BCR: variants seen among roughly 807,000 people sequenced by gnomAD.
BCR encodes the protein BCR activator of RhoGEF and GTPase.
Under a neutral mutation model 138.6 loss-of-function variants are expected in BCR, and 58 were observed. The ratio of observed to expected loss-of-function variants is 0.42; its 90% CI spans 0.34 to 0.52. The LOEUF (loss-of-function observed/expected upper bound fraction) is 0.52. Among genes scored for constraint, BCR ranks in the 20% least tolerant of loss-of-function variants. The pLI, the probability that BCR is intolerant of heterozygous loss-of-function variation, is 0.06. For synonymous variants in BCR, 786 were observed against 730.1 expected, an observed-to-expected ratio of 1.08 and a Z score of -1.23; for missense variants, 1,599 against 1,727.2, an observed-to-expected ratio of 0.93 and a Z score of 1.32.
At chr22:23,229,151 C>T (rs1427835634) in intron 1 of BCR, among the ~76,000 whole-genome samples, 1 of 152,048 alleles carries the variant, frequency 6.6e-6, no homozygotes, top group Non-Finnish European at 1.5e-5. Context: ...GCTGTTGAAC[C>T]CCTCCAGGTA....
intron 1 of BCR, among the ~76,000 whole-genome samples, chr22:23,228,262 C>T (rs28498179): frequency 6.6e-6 from 1 of 152,162 alleles, no homozygotes; most frequent in East Asian, 1.9e-4. Flanking sequence ...TAGCTGCATC[C>T]TACAAATTTT....
intron 1 of BCR, among the ~76,000 whole-genome samples, chr22:23,227,401 T>C (rs2072907619): frequency 6.6e-6 from 1 of 152,200 alleles, no homozygotes; most frequent in Non-Finnish European, 1.5e-5. Context: ...CCATCCCCTG[T>C]GGTCCAGCCC....
chr22:23,271,188 ACAG>A (rs1186238412), intron 5 of BCR, among the ~76,000 whole-genome samples: 1 of 152,240 alleles, frequency 6.6e-6, no homozygotes, highest in African/African-American at 2.4e-5. Context: ...GGTTGTCAAA[ACAG>A]CAGGAAGGCA....
At position 23,215,064 on chromosome 22, in the gene BCR, A is replaced by G. The variant is rs146874143; in HGVS notation, c.1279+32825A>G. ...TGAATTTGACTACTCTAGAGACCTC[A>G]TATGAGTGGAGTCCTACAGCGTTTG... On this transcript the variant is annotated intron_variant, in intron 1 of 22. Transcript: ENST00000305877. Among the ~76,000 whole-genome samples the G allele has an allele frequency of 2.0e-5, 3 of 152,342 alleles. No homozygotes were observed. The East Asian group carries it at 5.8e-4, about 29-fold the overall frequency.
intron 1 of BCR, among the ~76,000 whole-genome samples, chr22:23,233,143 C>A (rs2072977547): frequency 6.6e-6 from 1 of 152,216 alleles, no homozygotes; most frequent in Admixed American, 6.5e-5. Context: ...CATCTCCAGG[C>A]AGAGCCTATA....
chr22:23,262,345 G>C (rs1374294164), intron 4 of BCR, among the ~76,000 whole-genome samples: 1 of 152,108 alleles, frequency 6.6e-6, no homozygotes, highest in Non-Finnish European at 1.5e-5. Context: ...TGAGTTTTCT[G>C]CTCTGAGGTG....
intron 1 of BCR, among the ~76,000 whole-genome samples, chr22:23,237,569 C>A (rs1332726186): frequency 6.6e-6 from 1 of 152,246 alleles, no homozygotes; most frequent in Admixed American, 6.5e-5. Flanking sequence ...CGTTCCTCAG[C>A]TGTTTTCTGT....
chr22:23,310,761 A>G (rs553896355), intron 18 of BCR, among the ~76,000 whole-genome samples: 78 of 152,326 alleles, frequency 5.1e-4, no homozygotes, highest in Non-Finnish European at 1.3e-4. Context: ...GTCAGTTGCC[A>G]AGAGAAGCCT....
At chr22:23,208,691 A>G (rs2072645965) in intron 1 of BCR, among the ~76,000 whole-genome samples, 1 of 152,116 alleles carries the variant, frequency 6.6e-6, no homozygotes, top group African/African-American at 2.4e-5. Context: ...CGTCTCTACT[A>G]AAAATACAAA....
intron 1 of BCR, among the ~76,000 whole-genome samples, chr22:23,229,049 T>C (rs2072923486): frequency 1.3e-5 from 2 of 152,224 alleles, no homozygotes; most frequent in Non-Finnish European, 2.9e-5. Context: ...TATTCCATTT[T>C]TCTCCATTTT....
intron 12 of BCR, among the ~76,000 whole-genome samples, 197 bp from the exon 13 acceptor site, chr22:23,289,320 C>T (rs1203257426): frequency 1.3e-5 from 2 of 152,232 alleles, no homozygotes; most frequent in African/African-American, 4.8e-5. Flanking sequence ...GGCCTGGGCT[C>T]TCCAGGGCCA....
intron 10 of BCR, 118 bp downstream of exon 10, chr22:23,285,319 A>T: frequency 8.7e-7 from 1 of 1,143,238 alleles, no homozygotes; most frequent in Non-Finnish European, 1.2e-6. Flanking sequence ...GGTCTCTGGG[A>T]CCCCTGTAAG....
intron 1 of BCR, among the ~76,000 whole-genome samples, chr22:23,235,094 G>A (rs1212715388): frequency 7.0e-6 from 1 of 143,658 alleles, no homozygotes; most frequent in African/African-American, 2.5e-5. Context: ...AGGTTCTGTG[G>A]GGTTTTTTGT....
intron 8 of BCR, among the ~76,000 whole-genome samples, chr22:23,275,731 C>T (rs563177175): frequency 2.6e-5 from 4 of 152,352 alleles, no homozygotes; most frequent in South Asian, 2.1e-4. Context: ...TAAGCCTCCA[C>T]GTGCTGGGTG....
At position 23,311,964 on chromosome 22, in the gene BCR, T is replaced by C. The variant is rs188812412; in HGVS notation, c.3322+128T>C. 5.5e-3 allele frequency: 8,024 copies of C among 1,450,040 alleles called. 26 individuals are homozygous for C. Among genetic ancestry groups the C allele is most frequent in the Non-Finnish European group, 6.7e-3 (7,291 of 1,090,936 alleles). The allele number at this position is 1,450,040 out of a possible 1,614,324, so 89.8% of individuals were successfully genotyped here. A position where few individuals can be genotyped will look rare whatever the true frequency, so the allele number is the denominator to read the frequency against. ...TGTCTTTTCTTCATTTACTGTGTTA[T>C]TATTTTTAAAAAAGAGAAGACAAGA... is the stretch of plus-strand genomic sequence containing the variant. On this transcript the variant is annotated intron_variant, in intron 19 of 22. Transcript: ENST00000305877.
chr22:23,262,825 G>A (rs1396861000), intron 4 of BCR: 36 of 1,018,334 alleles, frequency 3.5e-5, no homozygotes, highest in Middle Eastern at 4.7e-4. Context: ...GGGGCAAGGC[G>A]GAAGAGGAAG....
intron 8 of BCR, among the ~76,000 whole-genome samples, chr22:23,275,038 C>G (rs1470015953): frequency 6.6e-6 from 1 of 152,046 alleles, no homozygotes; most frequent in Admixed American, 6.5e-5. Context: ...CTGCCCAACA[C>G]ATGGGGCTTG....
At chr22:23,268,322 G>GCTCTT in intron 4 of BCR, 86 bp from the exon 5 acceptor site, 1 of 1,117,496 alleles carries the variant, frequency 8.9e-7, no homozygotes. Context: ...TGGAGTTTCT[G>GCTCTT]CAGAGCTGTG....
chr22:23,313,083 G>A, intron 20 of BCR, 62 bp downstream of exon 20: 3 of 1,532,950 alleles, frequency 2.0e-6, no homozygotes, highest in Non-Finnish European at 2.6e-6. Flanking sequence ...GCTGCCCTTG[G>A]AGGCTGTGAA....
Sources: allele counts gnomAD v4.1 joint callset (sites outside exome capture counted in the v4.1 genomes callset), GRCh38; gene constraint gnomAD v4.1.1; transcripts MANE v1.5; gene names NCBI Gene and HGNC (gene_info 2026-07-23, HGNC 2026-07-21).